VPS13B: variants seen among roughly 807,000 people sequenced by gnomAD.
VPS13B encodes intermembrane lipid transfer protein VPS13B.
In VPS13B, 285 loss-of-function variants were observed where a neutral mutation model predicts 426.4. The ratio of observed to expected loss-of-function variants is 0.67; its 90% confidence interval spans 0.61 to 0.74. The LOEUF (loss-of-function observed/expected upper bound fraction) is 0.74, where lower values mean the gene tolerates loss of function less well. VPS13B is among the 30% of genes least tolerant of loss of function. The probability of loss-of-function intolerance (pLI) is 0.00; values close to 1 mark genes in which losing one functional copy is unlikely to be tolerated. For missense variants in VPS13B, 4,537 were observed against 4,782.6 expected, an observed-to-expected ratio of 0.95 and a Z score of 1.51; for synonymous variants, 1,676 against 1,676.4, an observed-to-expected ratio of 1.00 and a Z score of 0.01.
intron 17 of VPS13B, among the ~76,000 whole-genome samples, chr8:99,237,246 T>G (rs1588163765): frequency 6.6e-6 from 1 of 152,202 alleles, no homozygotes; most frequent in South Asian, 2.1e-4. Context: ...CCTTAACTTT[T>G]GAAGTAAATG....
rs187981127 is a variant in VPS13B at position 99,328,066 on chromosome 8, G to T, written c.2824+52812G>T. 3.7e-4 allele frequency among the ~76,000 whole-genome samples: 57 copies of T among 152,282 alleles called. 1 individual carries two copies. The highest frequency in any genetic ancestry group is 3.4e-3 in the Middle Eastern group (1 of 294). ...CAGGCTGCATAGCAGGTTAGTGGTGGGTTAGTGATCATTACTGCGTGTACA... is the reference window on the plus strand; with the variant it reads ...CAGGCTGCATAGCAGGTTAGTGGTGTGTTAGTGATCATTACTGCGTGTACA... On this transcript the variant is annotated intron_variant, in intron 19 of 61. Transcript: ENST00000357162.
At chr8:99,732,028 A>G (rs1833626343) in intron 39 of VPS13B, among the ~76,000 whole-genome samples, 1 of 152,126 alleles carries the variant, frequency 6.6e-6, no homozygotes, top group Non-Finnish European at 1.5e-5. Flanking sequence ...TTAACATACA[A>G]TTTCAGGAAG....
chr8:99,502,147 G>A (rs534866800), intron 26 of VPS13B, among the ~76,000 whole-genome samples: 73 of 152,094 alleles, frequency 4.8e-4, no homozygotes, highest in African/African-American at 1.6e-3. Flanking sequence ...ACGACACCCA[G>A]CTAATTTTGT....
chr8:99,156,693 C>T lies in VPS13B; in HGVS notation c.2158C>T (p.Gln720Ter), dbSNP rs777593389. 9.3e-6 allele frequency: 15 copies of T among 1,614,058 alleles called. No individual in the cohort carries two copies. Among genetic ancestry groups the T allele is most frequent in the Non-Finnish European group, 1.2e-5 (14 of 1,179,916 alleles). The change falls in exon 15 of 62, where the codon CAA becomes TAA. Residue 720 changes from glutamine to a stop codon, truncating the protein, a stop_gained. Transcript: ENST00000357162. LOFTEE classifies it high-confidence loss of function. ...GGTGCATGTGGTCAGCAGCCTTACT[C>T]AACCTTCTGATAACCTGCTTCATTA... The part of the protein sequence containing the change: ...QLVHVVSSLT[Q>*]PSDNLLHYCY...
chr8:99,853,514 T>C lies in VPS13B; in HGVS notation c.10125T>C (p.Asp3375=), dbSNP rs771609579. The change falls in exon 56 of 62, where the codon GAT becomes GAC. Residue 3375 remains aspartate, a synonymous_variant. Coordinates refer to ENST00000357162, the MANE Select transcript of VPS13B (RefSeq NM_152564.5). ...FITQLSLAVF[D]DLTHHKASAE... is the part of the protein sequence containing the mutation. ...CTCAGTTAAGCCTGGCAGTGTTTGA[T>C]GACCTCACCCACCACAAAGCATCAG... The C allele has an allele frequency of 1.2e-6, 2 of 1,614,238 alleles. No homozygotes were observed. The highest frequency in any genetic ancestry group is 1.1e-5 in the South Asian group (1 of 91,082).
At chr8:99,048,193 T>C (rs1192992241) in intron 3 of VPS13B, among the ~76,000 whole-genome samples, 1 of 152,234 alleles carries the variant, frequency 6.6e-6, no homozygotes, top group Admixed American at 6.5e-5. Flanking sequence ...CCAGTTTTAT[T>C]CCACTGTGGT....
At chr8:99,402,143 A>C in intron 21 of VPS13B, among the ~76,000 whole-genome samples, 1 of 152,228 alleles carries the variant, frequency 6.6e-6, no homozygotes, top group East Asian at 1.9e-4. Flanking sequence ...GTGGTTACCA[A>C]CTTGTCCAGT....
intron 43 of VPS13B, among the ~76,000 whole-genome samples, chr8:99,788,781 A>G (rs1053959113): frequency 6.6e-6 from 1 of 152,208 alleles, no homozygotes; most frequent in African/African-American, 2.4e-5. Flanking sequence ...CTCACAGGCT[A>G]TCCAAAAATA....
intron 24 of VPS13B, among the ~76,000 whole-genome samples, chr8:99,472,632 A>G (rs1819473659): frequency 6.6e-6 from 1 of 151,962 alleles, no homozygotes; most frequent in Non-Finnish European, 1.5e-5. Flanking sequence ...AGCTAAGAAA[A>G]GAACAAGAGA....
intron 33 of VPS13B, among the ~76,000 whole-genome samples, chr8:99,620,521 G>A (rs1588557751): frequency 6.6e-6 from 1 of 152,248 alleles, no homozygotes; most frequent in Non-Finnish European, 1.5e-5. Context: ...CATAGAAGGA[G>A]AACCAGGAAA....
intron 17 of VPS13B, among the ~76,000 whole-genome samples, chr8:99,218,037 G>A (rs1294752184): frequency 2.6e-5 from 4 of 152,134 alleles, no homozygotes; most frequent in African/African-American, 9.7e-5. Context: ...TCCCTTAAAG[G>A]TATGCCAGTT....
Position 99,859,711 on chromosome 8 carries a change from T to TA in VPS13B, c.11044+233dup, listed in dbSNP as rs568246221. Among the ~76,000 whole-genome samples the TA allele has an allele frequency of 3.0e-3, 460 of 152,328 alleles. 4 individuals carry two copies. Among genetic ancestry groups the TA allele is most frequent in the African/African-American group, 0.011 (438 of 41,570 alleles). ...AAATGTTTCAGAAACTTCAGAATTTTAAGCCTCCCATTGGGAAAACAAGGA... is the reference window on the plus strand; with the variant it reads ...AAATGTTTCAGAAACTTCAGAATTTTAAAGCCTCCCATTGGGAAAACAAGGA... On this transcript the variant is annotated intron_variant, in intron 57 of 61. Transcript: ENST00000357162.
intron 21 of VPS13B, among the ~76,000 whole-genome samples, chr8:99,426,206 TC>T (rs1348673447): frequency 1.4e-5 from 2 of 145,756 alleles, no homozygotes; most frequent in Non-Finnish European, 3.0e-5. Context: ...AATGATGATT[TC>T]CAATTTCATC....
intron 39 of VPS13B, among the ~76,000 whole-genome samples, chr8:99,739,425 G>A (rs765858396): frequency 5.0e-4 from 76 of 152,318 alleles, no homozygotes; most frequent in African/African-American, 8.2e-4. Context: ...AAAGGCAGCC[G>A]AAACCTCTGC....
intron 39 of VPS13B, among the ~76,000 whole-genome samples, chr8:99,759,706 C>G (rs1449396984): frequency 1.3e-5 from 2 of 152,306 alleles, no homozygotes; most frequent in African/African-American, 4.8e-5. Flanking sequence ...TACTACGTAT[C>G]AGTCTTACCC....
chr8:99,507,530 A>G (rs1821564746), intron 28 of VPS13B, among the ~76,000 whole-genome samples: 1 of 152,108 alleles, frequency 6.6e-6, no homozygotes, highest in Non-Finnish European at 1.5e-5. Context: ...TTTATGCTGG[A>G]TTGTTCTTTA....
intron 17 of VPS13B, among the ~76,000 whole-genome samples, chr8:99,236,195 C>T (rs1816637398): frequency 1.3e-5 from 2 of 151,772 alleles, no homozygotes; most frequent in African/African-American, 2.4e-5. Flanking sequence ...GAAAACAGTT[C>T]TCAAGGATTT....
chr8:99,712,351 C>T (rs1056909165), intron 36 of VPS13B, among the ~76,000 whole-genome samples: 2 of 152,162 alleles, frequency 1.3e-5, no homozygotes, highest in African/African-American at 4.8e-5. Flanking sequence ...GTCATGTTCC[C>T]AAAAGTATTA....
At chr8:99,432,728 A>G (rs1817178527) in intron 22 of VPS13B, among the ~76,000 whole-genome samples, 1 of 152,220 alleles carries the variant, frequency 6.6e-6, no homozygotes, top group South Asian at 2.1e-4. Context: ...AGGCAGACCT[A>G]GATATGTATT....
Sources: allele counts gnomAD v4.1 joint callset (sites outside exome capture counted in the v4.1 genomes callset), GRCh38; gene constraint gnomAD v4.1.1; transcripts MANE v1.5; gene names NCBI Gene and HGNC (gene_info 2026-07-23, HGNC 2026-07-21).